Variants in SMARCB1 observed in about 807,000 individuals in gnomAD.
The protein encoded by SMARCB1 is SWI/SNF-related matrix-associated actin-dependent regulator of chromatin subfamily B member 1.
In SMARCB1, 5 loss-of-function variants were observed where a neutral mutation model predicts 49.0. The ratio of observed to expected loss-of-function variants is 0.10; its 90% CI spans 0.05 to 0.21. The LOEUF (loss-of-function observed/expected upper bound fraction) is 0.21, where lower values mean the gene tolerates loss of function less well. Ranked by LOEUF, SMARCB1 falls within the 10% of genes least tolerant of loss-of-function variation. The probability of loss-of-function intolerance (pLI) is 1.00; values close to 1 mark genes in which losing one functional copy is unlikely to be tolerated. For synonymous variants in SMARCB1, 201 were observed against 200.1 expected, an observed-to-expected ratio of 1.00 and a Z score of -0.04; for missense variants, 226 against 509.2, an observed-to-expected ratio of 0.44 and a Z score of 5.35.
At position 23,834,303 on chromosome 22, in the gene SMARCB1, T is replaced by TGGAGTGGGGGC; in HGVS notation, c.*124_*134dup. 9.1e-7 allele frequency: 1 copy of TGGAGTGGGGGC among 1,100,152 alleles called. No homozygotes were observed. The highest frequency in any genetic ancestry group is 1.3e-6 in the Non-Finnish European group (1 of 747,528). 68.1% of individuals were successfully genotyped at this position (1,100,152 alleles called of 1,614,324 possible). ...CGCCATCCTGAGGATCGGGTGGGGG[T>TGGAGTGGGGGC]GGAGTGGGGGCTTCCAGGTGGCCCT... is the stretch of plus-strand genomic sequence containing the variant. On this transcript the variant is annotated 3_prime_UTR_variant, in exon 9 of 9. Coordinates refer to ENST00000644036, the MANE Select transcript of SMARCB1 (RefSeq NM_003073.5).
chr22:23,834,925 G>T lies in SMARCB1; in HGVS notation c.*745G>T. On this transcript the variant is annotated 3_prime_UTR_variant, in exon 9 of 9. Coordinates refer to ENST00000644036, the MANE Select transcript of SMARCB1 (RefSeq NM_003073.5). The stretch of plus-strand genomic sequence containing the variant: ...CTGCCAGCTGGGGCCTTGCTGCTCT[G>T]AAGTCCCCTGCGGAGGGCCCAGTCC... 4 of 1,609,116 alleles carry T rather than the reference G, an allele frequency of 2.5e-6. No homozygotes were observed.
At chr22:23,830,377 A>C (rs1012253601) in intron 7 of SMARCB1, among the ~76,000 whole-genome samples, 4 of 151,810 alleles carry the variant, frequency 2.6e-5, no homozygotes, top group Non-Finnish European at 4.4e-5. Context: ...TTTGATTTGC[A>C]TTTTTCTAAT....
Position 23,837,835 on chromosome 22 carries a change from C to A in SMARCB1, c.*3655C>A. ...GAGGGCCTGGCCCAGGAAGAACAGGCTGCCCAGGAGTCCCAGCAGCTGGGC... is the reference window on the plus strand; with the variant it reads ...GAGGGCCTGGCCCAGGAAGAACAGGATGCCCAGGAGTCCCAGCAGCTGGGC... On this transcript the variant is annotated 3_prime_UTR_variant, in exon 9 of 9. Transcript: ENST00000644036. 1 of 1,613,100 alleles carries A rather than the reference C, an allele frequency of 6.2e-7. No homozygotes were observed. Among genetic ancestry groups the A allele is most frequent in the South Asian group, 1.1e-5 (1 of 91,054 alleles).
At chr22:23,824,966 C>T (rs2030300341) in intron 6 of SMARCB1, 2 of 565,182 alleles carry the variant, frequency 3.5e-6, no homozygotes, top group Non-Finnish European at 6.4e-6. Context: ...TAAGGTGGGA[C>T]TCAGGTGCCC....
At chr22:23,801,156 C>G (rs759719227) in intron 4 of SMARCB1, 75 bp downstream of exon 4, 378 of 1,610,464 alleles carry the variant, frequency 2.3e-4, no homozygotes, top group Non-Finnish European at 3.0e-4. Flanking sequence ...GTTCCTTCCT[C>G]CCCAGAAAAA....
At position 23,837,546 on chromosome 22, in the gene SMARCB1, G is replaced by A. The variant is rs1249118595; in HGVS notation, c.*3366G>A. Reference sequence around the variant, plus strand: ...GGGAGGGCAGGAAGATGGGGATGGAGCCAGGTGTGAGGAGAACTCCAGCAA... The same window carrying A: ...GGGAGGGCAGGAAGATGGGGATGGAACCAGGTGTGAGGAGAACTCCAGCAA... On this transcript the variant is annotated 3_prime_UTR_variant, in exon 9 of 9. Transcript: ENST00000644036. The A allele has an allele frequency of 7.1e-6, 8 of 1,129,190 alleles. No homozygotes were observed. The highest frequency in any genetic ancestry group is 4.7e-5 in the African/African-American group (3 of 63,716). 69.9% of individuals were successfully genotyped at this position (1,129,190 alleles called of 1,614,324 possible). A position where few individuals can be genotyped will look rare whatever the true frequency, so the allele number is the denominator to read the frequency against.
chr22:23,822,957 C>CTTTTTT lies in SMARCB1; in HGVS notation c.796-2232_796-2227dup, dbSNP rs58056758. Among the ~76,000 whole-genome samples, 37 of 72,764 alleles carry CTTTTTT rather than the reference C, an allele frequency of 5.1e-4. 10 individuals are homozygous for CTTTTTT. The highest frequency in any genetic ancestry group is 6.4e-4 in the Non-Finnish European group (24 of 37,374). The allele number at this position is 72,764 out of a possible 152,430, so 47.7% of individuals were successfully genotyped here. ...TCTGTCAGTGCCCCCACCAGCATAG[C>CTTTTTT]TTTTTTTTTTTTTTTTTTTTTTTTT... is the stretch of plus-strand genomic sequence containing the variant. On this transcript the variant is annotated intron_variant, in intron 6 of 8. Coordinates refer to ENST00000644036, the MANE Select transcript of SMARCB1 (RefSeq NM_003073.5).
chr22:23,793,373 C>T, intron 2 of SMARCB1, 186 bp from the exon 3 acceptor site: 2 of 730,900 alleles, frequency 2.7e-6, no homozygotes, highest in South Asian at 2.9e-5. Flanking sequence ...CCCAGCAGGA[C>T]TTGTAAGTAA....
At chr22:23,820,635 G>A (rs1483084554) in intron 6 of SMARCB1, among the ~76,000 whole-genome samples, 1 of 121,768 alleles carries the variant, frequency 8.2e-6, no homozygotes, top group Non-Finnish European at 1.9e-5. Flanking sequence ...GCTTTTCTTT[G>A]TCAGGAAGAT....
chr22:23,818,073 A>C (rs1292025664), intron 6 of SMARCB1: 1 of 151,782 alleles, frequency 6.6e-6, no homozygotes, highest in East Asian at 1.9e-4. Flanking sequence ...TGATCCACCC[A>C]CCTCAGCCTC....
chr22:23,825,074 G>A (rs956245945), intron 6 of SMARCB1, 151 bp from the exon 7 acceptor site: 10 of 688,270 alleles, frequency 1.5e-5, no homozygotes, highest in Non-Finnish European at 2.6e-5. Flanking sequence ...TTGTTTTGGG[G>A]ATGGGGAACT....
Position 23,836,916 on chromosome 22 carries a change from G to A in SMARCB1, c.*2736G>A. On this transcript the variant is annotated 3_prime_UTR_variant, in exon 9 of 9. Transcript: ENST00000644036. ...TGGGGTCCTGGCTGTTCCTCAGGGA[G>A]GGGCAGGTAATTGGGGTCTTCTGCA... is the stretch of plus-strand genomic sequence containing the variant. 6.5e-7 allele frequency: 1 copy of A among 1,534,848 alleles called. No individual in the cohort carries two copies. The highest frequency in any genetic ancestry group is 8.8e-7 in the Non-Finnish European group (1 of 1,142,620).
At chr22:23,796,870 C>T (rs1928780467) in intron 3 of SMARCB1, among the ~76,000 whole-genome samples, 1 of 152,134 alleles carries the variant, frequency 6.6e-6, no homozygotes, top group East Asian at 1.9e-4. Flanking sequence ...TTGGCTGGCT[C>T]CACACTACTC....
At chr22:23,797,056 G>A (rs1928798442) in intron 3 of SMARCB1, among the ~76,000 whole-genome samples, 1 of 148,538 alleles carries the variant, frequency 6.7e-6, no homozygotes, top group Non-Finnish European at 1.5e-5. Context: ...GGAGTGCAGT[G>A]GCGCAATCTC....
chr22:23,821,190 C>T (rs895145990), intron 6 of SMARCB1, among the ~76,000 whole-genome samples: 2 of 152,214 alleles, frequency 1.3e-5, no homozygotes, highest in African/African-American at 4.8e-5. Context: ...GAGACTGTCC[C>T]CAGCCAGGTG....
At chr22:23,794,333 A>G (rs1164517512) in intron 3 of SMARCB1, among the ~76,000 whole-genome samples, 1 of 152,204 alleles carries the variant, frequency 6.6e-6, no homozygotes, top group Admixed American at 6.5e-5. Context: ...TATCATTGGA[A>G]TTTCTAAGAA....
In SMARCB1 at chr22:23,834,753, G is replaced by T; in HGVS notation, c.*573G>T. The T allele has an allele frequency of 2.7e-6, 4 of 1,472,134 alleles. No individual in the cohort carries two copies. Among genetic ancestry groups the T allele is most frequent in the Non-Finnish European group, 3.6e-6 (4 of 1,116,744 alleles). The allele number at this position is 1,472,134 out of a possible 1,614,324, so 91.2% of individuals were successfully genotyped here. ...TTCCAGACCCAGAGAGCTGAGAAGA[G>T]TAGCTGTGAGGCTCAGGGCAAGAGG... On this transcript the variant is annotated 3_prime_UTR_variant, in exon 9 of 9. Transcript: ENST00000644036.
rs567107551 is a variant in SMARCB1 at position 23,808,740 on chromosome 22, C to T, written c.628+5318C>T. 1.2e-4 allele frequency among the ~76,000 whole-genome samples: 18 copies of T among 151,358 alleles called. No homozygotes were observed. In the South Asian group the frequency reaches 3.8e-3, roughly 32 times the overall value. ...GAGACGGAGTTTCCGCTCTTGTTGCCCAGGCTGGAGTGCAGTTGCACAGTC... is the reference window on the plus strand; with the variant it reads ...GAGACGGAGTTTCCGCTCTTGTTGCTCAGGCTGGAGTGCAGTTGCACAGTC... On this transcript the variant is annotated intron_variant, in intron 5 of 8. Coordinates refer to ENST00000644036, the MANE Select transcript of SMARCB1 (RefSeq NM_003073.5).
chr22:23,811,777 A>G (rs1056274908), intron 5 of SMARCB1, among the ~76,000 whole-genome samples: 17 of 152,234 alleles, frequency 1.1e-4, no homozygotes, highest in Admixed American at 5.2e-4. Context: ...CTAAGCTCTA[A>G]TCTCAAGAAC....
Sources: gnomAD v4.1 joint callset for allele counts (sites outside exome capture counted in the v4.1 genomes callset) on GRCh38, gnomAD v4.1.1 for gene constraint, MANE v1.5 for transcripts, NCBI Gene and HGNC (gene_info 2026-07-23, HGNC 2026-07-21) for gene names.